Variants in MTHFD1 observed in about 807,000 individuals in gnomAD.
The protein encoded by MTHFD1 is methylenetetrahydrofolate dehydrogenase, cyclohydrolase and formyltetrahydrofolate synthetase 1.
In MTHFD1, 44 loss-of-function variants were observed where a neutral mutation model predicts 110.3. The observed-to-expected ratio is 0.40, with a 90% CI of 0.31 to 0.51. The LOEUF (loss-of-function observed/expected upper bound fraction) is 0.51, where lower values mean the gene tolerates loss of function less well. MTHFD1 is among the 20% of genes least tolerant of loss of function. The pLI is 0.60. For synonymous variants in MTHFD1, 402 were observed against 428.8 expected (o/e 0.94, Z 0.77); for missense variants, 909 against 1,173.1 (o/e 0.77, Z 3.29).
At chr14:64,421,868 G>A (rs1002642455) in intron 8 of MTHFD1, among the ~76,000 whole-genome samples, 17 of 151,956 alleles carry the variant, frequency 1.1e-4, no homozygotes, top group Admixed American at 2.0e-4. Flanking sequence ...CTCGTGATCC[G>A]CCCACCTTTG....
At chr14:64,441,487 T>C (rs975850380) in intron 19 of MTHFD1, 34 bp downstream of exon 19, 1 of 1,604,644 alleles carries the variant, frequency 6.2e-7, no homozygotes, top group African/African-American at 1.3e-5. Context: ...CTTGAATTGG[T>C]TTTGGACAGT....
intron 2 of MTHFD1, among the ~76,000 whole-genome samples, chr14:64,406,869 C>G (rs758450284): frequency 1.3e-5 from 2 of 152,118 alleles, no homozygotes; most frequent in African/African-American, 2.4e-5. Context: ...TTATACTACC[C>G]TACGATGTAG....
At chr14:64,405,020 G>A (rs1301917208) in intron 2 of MTHFD1, among the ~76,000 whole-genome samples, 1 of 152,008 alleles carries the variant, frequency 6.6e-6, no homozygotes, top group Non-Finnish European at 1.5e-5. Context: ...CTCCTCTGCT[G>A]TTTGTCTAAG....
intron 1 of MTHFD1, among the ~76,000 whole-genome samples, chr14:64,392,684 CTG>C (rs2077816103): frequency 6.6e-6 from 1 of 152,176 alleles, no homozygotes; most frequent in Non-Finnish European, 1.5e-5. Flanking sequence ...CAATTTACCT[CTG>C]TGCCTTAGCT....
At chr14:64,406,631 T>C (rs377606374) in intron 2 of MTHFD1, among the ~76,000 whole-genome samples, 3 of 151,684 alleles carry the variant, frequency 2.0e-5, no homozygotes, top group African/African-American at 7.3e-5. Flanking sequence ...TAGCTGGGAC[T>C]ACAGGCATCC....
chr14:64,459,675 TG>T, intron 27 of MTHFD1, 83 bp from the exon 28 acceptor site: 1 of 1,161,304 alleles, frequency 8.6e-7, no homozygotes, highest in Non-Finnish European at 1.2e-6. Context: ...GCAATGTGAG[TG>T]GGTAATGGTG....
At chr14:64,392,266 C>T (rs897942605) in intron 1 of MTHFD1, among the ~76,000 whole-genome samples, 1 of 152,152 alleles carries the variant, frequency 6.6e-6, no homozygotes, top group Non-Finnish European at 1.5e-5. Context: ...AGTAGAGGAA[C>T]CTGACCCTGC....
intron 2 of MTHFD1, among the ~76,000 whole-genome samples, chr14:64,404,675 A>G (rs1446777427): frequency 6.6e-6 from 1 of 152,174 alleles, no homozygotes; most frequent in Non-Finnish European, 1.5e-5. Context: ...TTGTTCATCA[A>G]GAATGTCAAG....
At chr14:64,446,427 GGTTTAT>G (rs1450742963) in intron 22 of MTHFD1, among the ~76,000 whole-genome samples, 3 of 152,166 alleles carry the variant, frequency 2.0e-5, no homozygotes, top group Non-Finnish European at 4.4e-5. Flanking sequence ...CCTTGGAGGA[GGTTTAT>G]GTTTATAATT....
chr14:64,420,450 C>T (rs993261637), intron 8 of MTHFD1, among the ~76,000 whole-genome samples: 10 of 152,102 alleles, frequency 6.6e-5, no homozygotes, highest in South Asian at 4.1e-4. Flanking sequence ...CCCTTACTCC[C>T]GTCTTTTGGT....
At chr14:64,440,341 A>T in intron 18 of MTHFD1, 75 bp downstream of exon 18, 1 of 1,534,526 alleles carries the variant, frequency 6.5e-7, no homozygotes, top group Non-Finnish European at 9.0e-7. Context: ...AGTTATTAAT[A>T]ACAAAATGTA....
chr14:64,429,364 G>C (rs1366655348), intron 12 of MTHFD1, among the ~76,000 whole-genome samples: 5 of 149,044 alleles, frequency 3.4e-5, no homozygotes, highest in African/African-American at 1.0e-4. Context: ...TCTGTCTGGA[G>C]TCCCAGCTCA....
rs376862180 is a variant in MTHFD1, at chr14:64,459,622, G to T, written c.*5-137G>T. The T allele has an allele frequency of 3.0e-4, 212 of 704,368 alleles. 2 individuals are homozygous for T. The highest frequency in any genetic ancestry group is 2.8e-3 in the South Asian group (146 of 52,166). 43.6% of individuals were successfully genotyped at this position (704,368 alleles called of 1,614,324 possible). ...CAAGTCCATTTATGGACACGCCCTA[G>T]AAGAGCTGGTGGCAGGAAAGGATGT... On this transcript the variant is annotated intron_variant, in intron 27 of 27. Transcript: ENST00000652337.
At chr14:64,421,111 A>T (rs1291466184) in intron 8 of MTHFD1, among the ~76,000 whole-genome samples, 2 of 151,950 alleles carry the variant, frequency 1.3e-5, no homozygotes, top group African/African-American at 2.4e-5. Flanking sequence ...CATGTCTGTT[A>T]TTCCTTCCAA....
At chr14:64,431,318 G>C (rs1019534963) in intron 13 of MTHFD1, among the ~76,000 whole-genome samples, 1 of 151,816 alleles carries the variant, frequency 6.6e-6, no homozygotes, top group Admixed American at 6.6e-5. Flanking sequence ...CGCCCGCCTC[G>C]GCCTCCCAAA....
intron 23 of MTHFD1, among the ~76,000 whole-genome samples, chr14:64,448,778 G>A (rs554877943): frequency 3.0e-4 from 46 of 151,058 alleles, no homozygotes; most frequent in African/African-American, 9.5e-4. Flanking sequence ...TGGCCTCACC[G>A]TAGTAGAATG....
chr14:64,434,261 C>T (rs577119960), intron 15 of MTHFD1, among the ~76,000 whole-genome samples: 4 of 152,104 alleles, frequency 2.6e-5, no homozygotes, highest in Non-Finnish European at 4.4e-5. Context: ...CTTACACTTA[C>T]GTGTCTGTGA....
At chr14:64,453,577 CAAAAAG>C (rs1324670233) in intron 24 of MTHFD1, among the ~76,000 whole-genome samples, 171 bp from the exon 25 acceptor site, 1 of 152,088 alleles carries the variant, frequency 6.6e-6, no homozygotes, top group Non-Finnish European at 1.5e-5. Flanking sequence ...CTCAAAAAAA[CAAAAAG>C]AAAGTGTTCT....
chr14:64,409,409 G>T (rs1172706562), intron 2 of MTHFD1, among the ~76,000 whole-genome samples: 4 of 152,162 alleles, frequency 2.6e-5, no homozygotes, highest in Non-Finnish European at 4.4e-5. Flanking sequence ...TTCCTTACTG[G>T]CAGCAAGTGA....
Sources: allele counts gnomAD v4.1 joint callset (sites outside exome capture counted in the v4.1 genomes callset), GRCh38; gene constraint gnomAD v4.1.1; transcripts MANE v1.5; gene names NCBI Gene and HGNC (gene_info 2026-07-23, HGNC 2026-07-21).